The following IRAK3 variants were observed in gnomAD, a reference collection of about 807,000 sequenced individuals.
The protein encoded by IRAK3 is interleukin-1 receptor-associated kinase 3.
A neutral mutation model predicts 56.6 loss-of-function variants in IRAK3; 57 were observed. The ratio of observed to expected loss-of-function variants is 1.01; its 90% CI spans 0.81 to 1.26. IRAK3 has a LOEUF of 1.26. IRAK3 is among the 50% of genes most tolerant of loss of function. IRAK3 has a pLI of 0.00. For synonymous variants in IRAK3, 258 were observed against 255.7 expected, an observed-to-expected ratio of 1.01 and a Z score of -0.09; for missense variants, 703 against 719.0, an observed-to-expected ratio of 0.98 and a Z score of 0.25.
intron 8 of IRAK3, chr12:66,234,520 A>G: frequency 6.2e-7 from 1 of 1,612,084 alleles, no homozygotes; most frequent in Admixed American, 1.7e-5. Context: ...TTGGGTCGTA[A>G]GTAAGTGTCA....
intron 1 of IRAK3, among the ~76,000 whole-genome samples, chr12:66,192,537 C>A (rs948168142): frequency 6.6e-6 from 1 of 152,112 alleles, no homozygotes; most frequent in Non-Finnish European, 1.5e-5. Flanking sequence ...TCAACACTTA[C>A]GATGTACTGA....
At chr12:66,216,112 A>G (rs2052674394) in intron 5 of IRAK3, among the ~76,000 whole-genome samples, 1 of 152,120 alleles carries the variant, frequency 6.6e-6, no homozygotes, top group African/African-American at 2.4e-5. Context: ...ACCACATTTC[A>G]AGCAACAGGG....
At chr12:66,217,057 A>G (rs896845066) in intron 5 of IRAK3, 114 bp from the exon 6 acceptor site, 11 of 776,216 alleles carry the variant, frequency 1.4e-5, no homozygotes, top group South Asian at 4.2e-5. Flanking sequence ...AAAAGTGTTC[A>G]TATGTGTTTA....
chr12:66,203,098 A>G (rs192780618), intron 1 of IRAK3, among the ~76,000 whole-genome samples: 25 of 152,330 alleles, frequency 1.6e-4, no homozygotes, highest in African/African-American at 5.1e-4. Context: ...TGTGATAAAT[A>G]AGATCCACTG....
At chr12:66,210,439 CG>C (rs1175029194) in intron 4 of IRAK3, among the ~76,000 whole-genome samples, 5 of 152,008 alleles carry the variant, frequency 3.3e-5, no homozygotes, top group Admixed American at 2.0e-4. Context: ...TCTCTTCACA[CG>C]GGGGATATTT....
At chr12:66,235,911 A>C (rs1226461781) in intron 8 of IRAK3, among the ~76,000 whole-genome samples, 1 of 152,210 alleles carries the variant, frequency 6.6e-6, no homozygotes, top group Non-Finnish European at 1.5e-5. Flanking sequence ...TCTAGCAATA[A>C]CATAAAATTT....
chr12:66,211,713 A>C, intron 5 of IRAK3, 116 bp downstream of exon 5: 1 of 845,356 alleles, frequency 1.2e-6, no homozygotes. Flanking sequence ...AAAATTTTAT[A>C]AGTGGAAATA....
intron 1 of IRAK3, among the ~76,000 whole-genome samples, chr12:66,198,455 A>ATTC (rs2052475701): frequency 6.6e-6 from 1 of 152,078 alleles, no homozygotes; most frequent in African/African-American, 2.4e-5. Context: ...CCTTTAGCCT[A>ATTC]GTTAAACCTT....
intron 8 of IRAK3, among the ~76,000 whole-genome samples, chr12:66,237,609 T>C (rs190624302): frequency 1.3e-5 from 2 of 152,242 alleles, no homozygotes; most frequent in Admixed American, 1.3e-4. Flanking sequence ...TATTAAGCGG[T>C]TTTGCATGGA....
In IRAK3 at chr12:66,222,232, A is replaced by AT. The variant is rs1444666733; in HGVS notation, c.654-4487dup. ...TCCCTCGTCTTTAATTTTTTAAAAG[A>AT]TTTTGACAGGGATTAGTATTAATTC... is the stretch of plus-strand genomic sequence containing the variant. On this transcript the variant is annotated intron_variant, in intron 6 of 11. Transcript: ENST00000261233. Among the ~76,000 whole-genome samples the AT allele has an allele frequency of 2.6e-5, 4 of 152,258 alleles. No homozygotes were observed. In the East Asian group the frequency reaches 7.7e-4, roughly 29 times the overall value.
intron 1 of IRAK3, among the ~76,000 whole-genome samples, chr12:66,200,103 A>G (rs1328921206): frequency 6.6e-6 from 1 of 152,192 alleles, no homozygotes. Context: ...GAATGTCTCA[A>G]CTTTATCTTC....
rs913503216 is a variant in IRAK3, at chr12:66,189,227, T to C, written c.-73T>C. On this transcript the variant is annotated 5_prime_UTR_variant, in exon 1 of 12. Coordinates refer to ENST00000261233, the MANE Select transcript of IRAK3 (RefSeq NM_007199.3). Reference sequence around the variant, plus strand: ...CGTCGTGGAAGCAGGATTTCCGCGGTTGTGTAACGGCCTGTCGCAGGCGTG... The same window carrying C: ...CGTCGTGGAAGCAGGATTTCCGCGGCTGTGTAACGGCCTGTCGCAGGCGTG... The C allele has an allele frequency of 9.3e-6, 14 of 1,513,322 alleles. No individual in the cohort carries two copies. The highest frequency in any genetic ancestry group is 5.5e-5 in the African/African-American group (4 of 72,160). The allele number at this position is 1,513,322 out of a possible 1,614,324, so 93.7% of individuals were successfully genotyped here.
At chr12:66,244,854 G>A in intron 9 of IRAK3, 94 bp from the exon 10 acceptor site, 6 of 1,106,994 alleles carry the variant, frequency 5.4e-6, no homozygotes, top group Middle Eastern at 2.7e-4. Flanking sequence ...TCATTAATCA[G>A]AATGAACTAT....
At chr12:66,218,013 TTTTA>T (rs2052695535) in intron 6 of IRAK3, among the ~76,000 whole-genome samples, 1 of 152,110 alleles carries the variant, frequency 6.6e-6, no homozygotes, top group Non-Finnish European at 1.5e-5. Context: ...TACATGTGAG[TTTTA>T]TTTATTGGCT....
At chr12:66,201,818 G>A (rs944834130) in intron 1 of IRAK3, among the ~76,000 whole-genome samples, 1 of 151,850 alleles carries the variant, frequency 6.6e-6, no homozygotes, top group Non-Finnish European at 1.5e-5. Flanking sequence ...TGGGAAGACA[G>A]GGGGAACAAA....
chr12:66,234,844 G>A, intron 8 of IRAK3: 5 of 1,609,302 alleles, frequency 3.1e-6, no homozygotes, highest in Non-Finnish European at 4.3e-6. Context: ...TATCCATGGA[G>A]AGTGGCAAAT....
Position 66,254,292 on chromosome 12 carries a change from G to A in IRAK3, c.*6121G>A, listed in dbSNP as rs2136960633. 1 of 152,144 alleles carries A rather than the reference G, an allele frequency of 6.6e-6. No homozygotes were observed. The highest frequency in any genetic ancestry group is 1.9e-4 in the East Asian group (1 of 5,188). The allele number at this position is 152,144 out of a possible 1,614,324, so 9.4% of individuals were successfully genotyped here. A position where few individuals can be genotyped will look rare whatever the true frequency, so the allele number is the denominator to read the frequency against. ...TTGGAAACAACTGAAACATCCTTCAGTAAAAGATGGATTAAATAAATTCCA... is the reference window on the plus strand; with the variant it reads ...TTGGAAACAACTGAAACATCCTTCAATAAAAGATGGATTAAATAAATTCCA... On this transcript the variant is annotated 3_prime_UTR_variant, in exon 12 of 12. Transcript: ENST00000261233.
chr12:66,222,266 A>C (rs1284123214), intron 6 of IRAK3, among the ~76,000 whole-genome samples: 1 of 152,088 alleles, frequency 6.6e-6, no homozygotes, highest in Non-Finnish European at 1.5e-5. Flanking sequence ...TCTTCTTTAA[A>C]TGCTTGTTAG....
intron 6 of IRAK3, among the ~76,000 whole-genome samples, chr12:66,223,503 C>A (rs1245069471): frequency 1.3e-5 from 2 of 151,206 alleles, no homozygotes; most frequent in Non-Finnish European, 2.9e-5. Flanking sequence ...ACTAAAAATA[C>A]AAAACATTAG....
Sources: allele counts gnomAD v4.1 joint callset (sites outside exome capture counted in the v4.1 genomes callset), GRCh38; gene constraint gnomAD v4.1.1; transcripts MANE v1.5; gene names NCBI Gene and HGNC (gene_info 2026-07-23, HGNC 2026-07-21).